The following PCCB variants were observed in gnomAD, a reference collection of about 807,000 sequenced individuals.
PCCB encodes the protein propionyl-CoA carboxylase beta chain, mitochondrial.
A neutral mutation model predicts 60.7 loss-of-function variants in PCCB; 43 were observed. That is an observed-to-expected ratio of 0.71 (90% CI 0.55 to 0.91). The LOEUF (loss-of-function observed/expected upper bound fraction) is 0.91, where lower values mean the gene tolerates loss of function less well. Among genes scored for constraint, PCCB ranks in the 40% least tolerant of loss-of-function variants. The probability of loss-of-function intolerance (pLI) is 0.00; values close to 1 mark genes in which losing one functional copy is unlikely to be tolerated. For synonymous variants in PCCB, 276 were observed against 255.9 expected, an observed-to-expected ratio of 1.08 and a Z score of -0.75; for missense variants, 766 against 702.8, an observed-to-expected ratio of 1.09 and a Z score of -1.02.
At chr3:136,273,473 T>A (rs900941746) in intron 5 of PCCB, among the ~76,000 whole-genome samples, 1 of 152,086 alleles carries the variant, frequency 6.6e-6, no homozygotes, top group African/African-American at 2.4e-5. Context: ...GTAGTAATTG[T>A]TTTATAAATC....
At chr3:136,314,193 A>G (rs553999901) in intron 9 of PCCB, among the ~76,000 whole-genome samples, 32 of 152,332 alleles carry the variant, frequency 2.1e-4, no homozygotes, top group African/African-American at 6.0e-4. Flanking sequence ...AGAAGGACAC[A>G]GGAACCAGCA....
chr3:136,293,862 CA>C lies in PCCB; in HGVS notation c.762del (p.Gly255ValfsTer26). 6.5e-7 allele frequency: 1 copy of C among 1,548,780 alleles called. No individual in the cohort carries two copies. Among genetic ancestry groups the C allele is most frequent in the Non-Finnish European group, 8.9e-7 (1 of 1,120,544 alleles). On this transcript the variant is annotated frameshift_variant and splice_region_variant, in exon 7 of 15. Transcript: ENST00000251654. LOFTEE classifies it high-confidence loss of function. ...GGTGCCAAGACCCACACCACCATGT[CA>C]GGTGAGAGGCCTTGAAGATGACCTT... is the stretch of plus-strand genomic sequence containing the variant. ...LGGAKTHTTM[S>X]GVAHRAFEND...
intron 9 of PCCB, among the ~76,000 whole-genome samples, chr3:136,316,188 C>T (rs1450724707): frequency 1.3e-5 from 2 of 150,910 alleles, no homozygotes; most frequent in Non-Finnish European, 2.9e-5. Context: ...CCACTGCATT[C>T]CAGCCTGGGT....
intron 8 of PCCB, among the ~76,000 whole-genome samples, chr3:136,299,316 A>G (rs1340485937): frequency 6.6e-6 from 1 of 152,040 alleles, no homozygotes; most frequent in South Asian, 2.1e-4. Flanking sequence ...GTATACATAC[A>G]TGTATACATA....
chr3:136,327,142 T>C lies in PCCB; in HGVS notation c.1199-13T>C. 6.2e-7 allele frequency: 1 copy of C among 1,612,486 alleles called. No homozygotes were observed. The highest frequency in any genetic ancestry group is 8.5e-7 in the Non-Finnish European group (1 of 1,178,538). ...GGACTTGTGGGTATCTAGTAACTCT[T>C]CCTCATGTCTAGGCACAGCACAGGA... On this transcript the variant is annotated splice_polypyrimidine_tract_variant and intron_variant, in intron 11 of 14. Transcript: ENST00000251654.
intron 10 of PCCB, among the ~76,000 whole-genome samples, chr3:136,319,495 T>G (rs1391346235): frequency 6.6e-6 from 1 of 152,038 alleles, no homozygotes; most frequent in Admixed American, 6.6e-5. Flanking sequence ...GCCCCGAGTT[T>G]CAAGCCATTC....
At chr3:136,317,493 C>T (rs1165378427) in intron 10 of PCCB, among the ~76,000 whole-genome samples, 4 of 151,832 alleles carry the variant, frequency 2.6e-5, no homozygotes, top group South Asian at 4.2e-4. Context: ...CCTCCGAAAG[C>T]GCTGGGATTA....
intron 9 of PCCB, among the ~76,000 whole-genome samples, chr3:136,313,967 AT>A (rs535740519): frequency 7.9e-5 from 12 of 152,174 alleles, no homozygotes; most frequent in Admixed American, 1.3e-4. Context: ...CTGGAGTAGG[AT>A]TAGAATTATC....
rs1941747449 is a variant in PCCB, at chr3:136,258,851, C to G, written c.373-1628C>G. Among the ~76,000 whole-genome samples the G allele has an allele frequency of 2.6e-5, 4 of 151,936 alleles. No homozygotes were observed. The South Asian group carries it at 6.2e-4, about 24-fold the overall frequency. On this transcript the variant is annotated intron_variant, in intron 3 of 14. Coordinates refer to ENST00000251654, the MANE Select transcript of PCCB (RefSeq NM_000532.5). Reference sequence around the variant, plus strand: ...TCTCTGTTTTCAGCCTCCTTCTCACCTCCACTTTCCATGGTTCCTGGGTTG... The same window carrying G: ...TCTCTGTTTTCAGCCTCCTTCTCACGTCCACTTTCCATGGTTCCTGGGTTG...
At chr3:136,261,126 G>A (rs1466940638) in intron 4 of PCCB, among the ~76,000 whole-genome samples, 3 of 152,190 alleles carry the variant, frequency 2.0e-5, no homozygotes, top group Non-Finnish European at 4.4e-5. Flanking sequence ...GATTTCAAGT[G>A]AAGAACCTCT....
At chr3:136,318,585 T>A (rs375801850) in intron 10 of PCCB, among the ~76,000 whole-genome samples, 1 of 152,248 alleles carries the variant, frequency 6.6e-6, no homozygotes, top group Non-Finnish European at 1.5e-5. Flanking sequence ...TTTGCTATTC[T>A]AAATCTACTT....
intron 9 of PCCB, among the ~76,000 whole-genome samples, chr3:136,303,629 G>GT (rs1332672332): frequency 2.5e-5 from 3 of 121,338 alleles, no homozygotes; most frequent in Non-Finnish European, 5.5e-5. Flanking sequence ...TTGAGACAGA[G>GT]TTTTGCTCTT....
At chr3:136,320,568 T>G (rs1345974539) in intron 10 of PCCB, among the ~76,000 whole-genome samples, 3 of 152,226 alleles carry the variant, frequency 2.0e-5, no homozygotes, top group Non-Finnish European at 4.4e-5. Context: ...TTGCTGGGTT[T>G]ATTAACTTTG....
intron 9 of PCCB, among the ~76,000 whole-genome samples, chr3:136,307,867 C>T (rs1035390488): frequency 9.2e-5 from 14 of 151,634 alleles, no homozygotes; most frequent in South Asian, 2.1e-4. Context: ...CCCAGCTACC[C>T]GGGAGGCTGA....
At chr3:136,263,391 G>A (rs2108149121) in intron 5 of PCCB, among the ~76,000 whole-genome samples, 1 of 151,584 alleles carries the variant, frequency 6.6e-6, no homozygotes, top group South Asian at 2.1e-4. Flanking sequence ...TCAGTCTCCT[G>A]AATAGCTGGC....
intron 5 of PCCB, among the ~76,000 whole-genome samples, chr3:136,277,654 A>G (rs2108172720): frequency 6.6e-6 from 1 of 152,218 alleles, no homozygotes; most frequent in East Asian, 1.9e-4. Flanking sequence ...AGAGAGGAAT[A>G]TAACTGCCTC....
rs1553774486 is a variant in PCCB at position 136,259,198 on chromosome 3, G to A, written c.373-1281G>A. 7.0e-7 allele frequency: 1 copy of A among 1,438,224 alleles called. No homozygotes were observed. Among genetic ancestry groups the A allele is most frequent in the Non-Finnish European group, 9.1e-7 (1 of 1,093,086 alleles). 89.1% of individuals were successfully genotyped at this position (1,438,224 alleles called of 1,614,324 possible). ...CAGCAAATAATAGGCTGGGCACAGTGGCTCCCGCTTGTCATCTCAGCACTT... is the reference window on the plus strand; with the variant it reads ...CAGCAAATAATAGGCTGGGCACAGTAGCTCCCGCTTGTCATCTCAGCACTT... On this transcript the variant is annotated intron_variant, in intron 3 of 14. Transcript: ENST00000251654.
At chr3:136,282,871 G>A (rs1942517231) in intron 5 of PCCB, among the ~76,000 whole-genome samples, 1 of 152,150 alleles carries the variant, frequency 6.6e-6, no homozygotes, top group African/African-American at 2.4e-5. Context: ...CTTATCTCAA[G>A]TTTAGTAGTT....
Position 136,261,719 on chromosome 3 carries a change from G to A in PCCB, c.430-233G>A, listed in dbSNP as rs545518259. Among the ~76,000 whole-genome samples the A allele has an allele frequency of 1.3e-4, 20 of 152,280 alleles. No homozygotes were observed. In the South Asian group the frequency reaches 3.9e-3, roughly 30 times the overall value. On this transcript the variant is annotated intron_variant, in intron 4 of 14. Transcript: ENST00000251654. ...ATGAGTTGTTTTATCCCCTGCTAAT[G>A]GGAAGTGCTTTGGCTCTTGGGTGTT...
Sources: allele counts gnomAD v4.1 joint callset (sites outside exome capture counted in the v4.1 genomes callset), GRCh38; gene constraint gnomAD v4.1.1; transcripts MANE v1.5; gene names NCBI Gene and HGNC (gene_info 2026-07-23, HGNC 2026-07-21).